The following ANO9 variants were observed in gnomAD, a reference collection of about 807,000 sequenced individuals.
ANO9 encodes the protein anoctamin-9.
ANO9 carries 80 observed loss-of-function variants against 100.5 expected under a neutral mutation model. The ratio of observed to expected loss-of-function variants is 0.80; its 90% CI spans 0.66 to 0.96. The LOEUF is 0.96. Ranked by LOEUF, ANO9 falls within the 40% of genes least tolerant of loss-of-function variation. The probability of loss-of-function intolerance (pLI) is 0.00; values close to 1 mark genes in which losing one functional copy is unlikely to be tolerated. For missense variants in ANO9, 1,064 were observed against 1,072.7 expected, an observed-to-expected ratio of 0.99 and a Z score of 0.11; for synonymous variants, 473 against 435.6, an observed-to-expected ratio of 1.09 and a Z score of -1.07.
In ANO9 at chr11:429,784, A is replaced by G. The variant is rs1241777543; in HGVS notation, c.806T>C (p.Val269Ala). The change falls in exon 10 of 23, where the codon GTG (valine) becomes GCG (alanine). Residue 269 changes from valine (V) to alanine (A), a missense_variant. By Grantham distance (64) the Val-to-Ala change is moderately conservative. Transcript: ENST00000332826. ...THLFDNDGTV[V>A]FAIFMALWAT... is the part of the protein sequence containing the mutation. ...CCAGAGAGCCATGAAGATGGCGAAC[A>G]CCACCGTGCCATCATTGTCAAAGAG... The G allele has an allele frequency of 3.7e-6, 6 of 1,609,100 alleles. No homozygotes were observed. Among genetic ancestry groups the G allele is most frequent in the Non-Finnish European group, 5.1e-6 (6 of 1,177,324 alleles).
intron 3 of ANO9, 68 bp from the exon 4 acceptor site, chr11:433,527 C>CCCCCGTCTATTCCACCTCAGAACCCT: frequency 3.2e-6 from 5 of 1,568,560 alleles, no homozygotes; most frequent in Middle Eastern, 1.8e-4. Flanking sequence ...TCAGAACCCT[C>CCCCCGTCTATTCCACCTCAGAACCCT]CCCCCTCTAT....
intron 15 of ANO9, among the ~76,000 whole-genome samples, chr11:423,882 T>TATTCACAC (rs1564909497): frequency 5.7e-5 from 3 of 52,516 alleles, no homozygotes; most frequent in African/African-American, 3.0e-4. Flanking sequence ...CACAGTTGAA[T>TATTCACAC]ACTCACACAC....
intron 11 of ANO9, 70 bp downstream of exon 11, chr11:429,500 C>T (rs1021235973): frequency 4.7e-5 from 75 of 1,582,240 alleles, no homozygotes; most frequent in Non-Finnish European, 5.9e-5. Context: ...ATATGTGGGC[C>T]GTGCAGGGCA....
At chr11:433,132 G>T in intron 4 of ANO9, 182 bp downstream of exon 4, 1 of 756,354 alleles carries the variant, frequency 1.3e-6, no homozygotes, top group South Asian at 2.1e-5. Flanking sequence ...TCCTTTAATG[G>T]GATGGGGAAG....
In ANO9 at chr11:421,290, C is replaced by T. The variant is rs1257724053; in HGVS notation, c.1335-92G>A. 1.5e-6 allele frequency: 2 copies of T among 1,344,948 alleles called. No homozygotes were observed. The highest frequency in any genetic ancestry group is 3.0e-5 in the African/African-American group (2 of 67,666). 83.3% of individuals were successfully genotyped at this position (1,344,948 alleles called of 1,614,324 possible). The stretch of plus-strand genomic sequence containing the variant: ...AGGACAGAAGCGGGTAGGAAAGACA[C>T]AGAACAGGCGGGGCAGGCCCTGCAG... On this transcript the variant is annotated intron_variant, in intron 15 of 22. Transcript: ENST00000332826. The surrounding 1 kb of genome is among the most constrained non-coding windows in gnomAD (Gnocchi z 6.8).
chr11:418,018 C>T lies in ANO9; in HGVS notation c.*353G>A. On this transcript the variant is annotated 3_prime_UTR_variant, in exon 23 of 23. Coordinates refer to ENST00000332826, the MANE Select transcript of ANO9 (RefSeq NM_001012302.3). ...GTGGGCTCAGGACACCCCCAACAGC[C>T]AGGATGGGGGCACGGCAGGATCTGG... 1 of 296,566 alleles carries T rather than the reference C, an allele frequency of 3.4e-6. No individual in the cohort carries two copies. The highest frequency in any genetic ancestry group is 2.2e-5 in the African/African-American group (1 of 45,938). 18.4% of individuals were successfully genotyped at this position (296,566 alleles called of 1,614,324 possible).
At chr11:420,279 C>G in intron 19 of ANO9, 184 bp downstream of exon 19, 1 of 1,433,118 alleles carries the variant, frequency 7.0e-7, no homozygotes, top group Non-Finnish European at 9.1e-7. Context: ...TCGGCCCCGC[C>G]CACTCCTGGT....
intron 18 of ANO9, 39 bp from the exon 19 acceptor site, chr11:420,654 C>G: frequency 1.2e-6 from 2 of 1,601,778 alleles, no homozygotes; most frequent in Non-Finnish European, 1.7e-6. Flanking sequence ...GCCCCGCACT[C>G]ATGTCCGCGG....
In ANO9 at chr11:420,466, T is replaced by G. The variant is rs746078989; in HGVS notation, c.1783A>C (p.Ile595Leu). 1.9e-6 allele frequency: 3 copies of G among 1,602,112 alleles called. No individual in the cohort carries two copies. In the African/African-American group the frequency reaches 4.0e-5, roughly 21 times the overall value. Residue 595 changes from isoleucine (I) to leucine (L), a missense_variant, in exon 19 of 23, where the codon ATC becomes CTC. Coordinates refer to ENST00000332826, the MANE Select transcript of ANO9 (RefSeq NM_001012302.3). ...TCCTGCGCCCGCCCGGTCTGACCGA[T>G]GTCCTTGGCCTTGCGCGGCACCAGG... is the stretch of plus-strand genomic sequence containing the variant. ...RRLVPRKAKD[I>L]GTWLQVLETI...
In ANO9 at chr11:428,805, T is replaced by A; in HGVS notation, c.937A>T (p.Ile313Phe). 6.2e-7 allele frequency: 1 copy of A among 1,613,150 alleles called. No homozygotes were observed. Among genetic ancestry groups the A allele is most frequent in the East Asian group, 2.2e-5 (1 of 44,886 alleles). The change falls in exon 12 of 23, where the codon ATT becomes TTT. Residue 313 changes from isoleucine (I) to phenylalanine (F), a missense_variant. By Grantham distance (21) the Ile-to-Phe change is conservative (BLOSUM62 0). Coordinates refer to ENST00000332826, the MANE Select transcript of ANO9 (RefSeq NM_001012302.3). ...CGGAGCTTGTAGTCGGGGCAGTTAA[T>A]GAGCTGAAGTGCCATTTCCTCCTGG... ...EEQEEMALQL[I>F]NCPDYKLRPY...
chr11:424,025 C>T (rs992809762), intron 15 of ANO9, among the ~76,000 whole-genome samples: 4 of 152,080 alleles, frequency 2.6e-5, no homozygotes, highest in African/African-American at 9.7e-5. Context: ...TCTTGTGCCT[C>T]AGCCTCCCGA....
intron 15 of ANO9, among the ~76,000 whole-genome samples, chr11:427,824 A>G (rs1848611150): frequency 6.6e-6 from 1 of 151,164 alleles, no homozygotes; most frequent in Non-Finnish European, 1.5e-5. Context: ...TTCCCAGGAC[A>G]AAGCCATTTC....
chr11:440,780 C>G, intron 1 of ANO9: 1 of 152,472 alleles, frequency 6.6e-6, no homozygotes, highest in East Asian at 1.9e-4. Flanking sequence ...GTCCTCCTGC[C>G]TCAGCCTCCT....
At chr11:435,550 T>A (rs1849423790) in intron 1 of ANO9, among the ~76,000 whole-genome samples, 1 of 144,492 alleles carries the variant, frequency 6.9e-6, no homozygotes. Context: ...TCTAGTATGG[T>A]CTAGTCTAGT....
rs1848765355 is a variant in ANO9, at chr11:429,669, G to A, written c.833-17C>T. 1 of 1,612,588 alleles carries A rather than the reference G, an allele frequency of 6.2e-7. No individual in the cohort carries two copies. Among genetic ancestry groups the A allele is most frequent in the South Asian group, 1.1e-5 (1 of 91,068 alleles). On this transcript the variant is annotated splice_polypyrimidine_tract_variant and intron_variant, in intron 10 of 22. Transcript: ENST00000332826. The stretch of plus-strand genomic sequence containing the variant: ...ACACCGTGGCTGCGGCGGGGGCAAG[G>A]AGGGGCATCACTGCACTACGCCAGG...
intron 3 of ANO9, 93 bp from the exon 4 acceptor site, chr11:433,552 C>T: frequency 2.7e-6 from 4 of 1,492,838 alleles, no homozygotes; most frequent in Admixed American, 2.2e-5. Context: ...CCTCAGAACC[C>T]TCCCCCCTCT....
chr11:434,931 T>A (rs1459699176), intron 1 of ANO9, among the ~76,000 whole-genome samples: 1 of 152,162 alleles, frequency 6.6e-6, no homozygotes, highest in East Asian at 1.9e-4. Flanking sequence ...GTCCCTCCCC[T>A]CTGCCAGCCG....
intron 15 of ANO9, among the ~76,000 whole-genome samples, chr11:423,882 TACTCAC>T (rs1049723100): frequency 1.9e-5 from 1 of 52,516 alleles, no homozygotes; most frequent in African/African-American, 1.0e-4. Flanking sequence ...CACAGTTGAA[TACTCAC>T]ACACACACAC....
At chr11:420,919 G>A (rs1412275863) in intron 17 of ANO9, 26 bp downstream of exon 17, 1 of 1,598,224 alleles carries the variant, frequency 6.3e-7, no homozygotes, top group South Asian at 1.1e-5. Flanking sequence ...TGGGGCTCCC[G>A]GGGCTGGGCG....
Sources: gnomAD v4.1 joint callset for allele counts (sites outside exome capture counted in the v4.1 genomes callset) on GRCh38, gnomAD v4.1.1 for gene constraint, Gnocchi (gnomAD v3.1) non-coding constraint, MANE v1.5 for transcripts, NCBI Gene and HGNC (gene_info 2026-07-23, HGNC 2026-07-21) for gene names.